TTC23: variants seen among roughly 807,000 people sequenced by gnomAD.
The protein encoded by TTC23 is tetratricopeptide repeat protein 23.
TTC23 carries 58 observed loss-of-function variants against 55.1 expected under a neutral mutation model. That is an observed-to-expected ratio of 1.05 (90% CI 0.85 to 1.31). The LOEUF is 1.31. Among genes scored for constraint, TTC23 ranks in the 50% most tolerant of loss-of-function variants. TTC23 has a pLI of 0.00. For synonymous variants in TTC23, 203 were observed against 199.9 expected, an observed-to-expected ratio of 1.02 and a Z score of -0.13; for missense variants, 516 against 534.4, an observed-to-expected ratio of 0.97 and a Z score of 0.34.
rs2151818221 is a variant in TTC23, at chr15:99,137,861, T to C, written c.*149A>G. The C allele has an allele frequency of 7.8e-7, 1 of 1,286,392 alleles. No homozygotes were observed. Among genetic ancestry groups the C allele is most frequent in the Admixed American group, 2.4e-5 (1 of 42,502 alleles). The allele number at this position is 1,286,392 out of a possible 1,614,324, so 79.7% of individuals were successfully genotyped here. On this transcript the variant is annotated 3_prime_UTR_variant, in exon 14 of 14. Coordinates refer to ENST00000394132, the MANE Select transcript of TTC23 (RefSeq NM_001288615.3). ...CAAAATGTGGCCCACGGGAGGCTTA[T>C]GGTCTCACTGTTGCATGTTGGGGCC...
At chr15:99,214,824 A>G (rs1413859974) in intron 8 of TTC23, among the ~76,000 whole-genome samples, 2 of 150,344 alleles carry the variant, frequency 1.3e-5, no homozygotes, top group African/African-American at 4.9e-5. Context: ...TTTTTTGGGA[A>G]AAGTTTCCTG....
chr15:99,168,772 C>T (rs2072507837), intron 10 of TTC23, among the ~76,000 whole-genome samples: 1 of 152,174 alleles, frequency 6.6e-6, no homozygotes, highest in Admixed American at 6.5e-5. Context: ...GCCTCCTCTC[C>T]TCCTCCTCCA....
chr15:99,203,411 T>C (rs2076353903), intron 8 of TTC23, among the ~76,000 whole-genome samples: 2 of 152,118 alleles, frequency 1.3e-5, no homozygotes, highest in African/African-American at 4.8e-5. Context: ...ACAAAGTTAA[T>C]GATCGAATCA....
chr15:99,241,913 T>C (rs1028572694), intron 2 of TTC23, among the ~76,000 whole-genome samples: 4 of 152,150 alleles, frequency 2.6e-5, no homozygotes, highest in African/African-American at 7.2e-5. Context: ...GATGGGTTGA[T>C]GGCTTGAGCC....
At chr15:99,199,453 T>C (rs1231325775) in intron 9 of TTC23, among the ~76,000 whole-genome samples, 1 of 138,112 alleles carries the variant, frequency 7.2e-6, no homozygotes, top group East Asian at 2.0e-4. Context: ...CCAAAGTGTG[T>C]GTGTTTGTGT....
chr15:99,162,244 A>G (rs1364193404), intron 10 of TTC23, among the ~76,000 whole-genome samples: 1 of 152,172 alleles, frequency 6.6e-6, no homozygotes, highest in African/African-American at 2.4e-5. Flanking sequence ...TAGGACTCTG[A>G]AAGTTCACTT....
intron 12 of TTC23, among the ~76,000 whole-genome samples, chr15:99,152,524 T>A (rs12594336): frequency 6.6e-6 from 1 of 151,728 alleles, no homozygotes; most frequent in South Asian, 2.1e-4. Context: ...ATTACAGGTA[T>A]GCGCCAGCAG....
At chr15:99,240,999 C>T (rs55909409) in intron 3 of TTC23, among the ~76,000 whole-genome samples, 68,618 of 151,906 alleles carry the variant, frequency 0.45, 15,553 homozygotes, top group Middle Eastern at 0.6. Context: ...TGTGGCATCA[C>T]ACAGTAACAT....
At chr15:99,202,422 A>C (rs899782190) in intron 8 of TTC23, among the ~76,000 whole-genome samples, 5 of 152,198 alleles carry the variant, frequency 3.3e-5, no homozygotes, top group African/African-American at 1.2e-4. Flanking sequence ...CACCAAGATA[A>C]TTTCATCTGG....
At chr15:99,187,183 T>A (rs928369037) in intron 9 of TTC23, among the ~76,000 whole-genome samples, 2 of 151,900 alleles carry the variant, frequency 1.3e-5, no homozygotes, top group African/African-American at 4.8e-5. Flanking sequence ...TATTTTGACA[T>A]GGGTCCCAAA....
intron 9 of TTC23, among the ~76,000 whole-genome samples, chr15:99,196,561 A>G (rs1225765526): frequency 6.6e-6 from 1 of 152,082 alleles, no homozygotes; most frequent in Non-Finnish European, 1.5e-5. Flanking sequence ...GTAAAGCTGG[A>G]CTCTTCCTGG....
chr15:99,148,360 CAAAAAAAA>C (rs57733522), intron 12 of TTC23, among the ~76,000 whole-genome samples: 17 of 30,420 alleles, frequency 5.6e-4, no homozygotes, highest in East Asian at 4.4e-3. Flanking sequence ...GACTCTGTAC[CAAAAAAAA>C]AAAAAAAAAA....
At chr15:99,207,863 G>C (rs1325165603) in intron 8 of TTC23, among the ~76,000 whole-genome samples, 1 of 152,186 alleles carries the variant, frequency 6.6e-6, no homozygotes, top group African/African-American at 2.4e-5. Flanking sequence ...TACACACCCT[G>C]CTGGTGGACA....
At position 99,228,691 on chromosome 15, in the gene TTC23, G is replaced by A. The variant is rs1355290815; in HGVS notation, c.22C>T (p.His8Tyr). 10 of 1,603,932 alleles carry A rather than the reference G, an allele frequency of 6.2e-6. No homozygotes were observed. Among genetic ancestry groups the A allele is most frequent in the Non-Finnish European group, 8.5e-6 (10 of 1,174,976 alleles). MQESQET[H>Y]ISNHLDEVVA... ...ACTTCATCTAGGTGGTTGGATATGT[G>A]GGTTTCCTGTGATTCTTGCATATTT... Residue 8 changes from histidine to tyrosine, a missense_variant, in exon 5 of 14, where the codon CAC (histidine) becomes TAC (tyrosine). Transcript: ENST00000394132.
At chr15:99,157,173 A>T (rs2070711708) in intron 11 of TTC23, 1 of 141,712 alleles carries the variant, frequency 7.1e-6, no homozygotes, top group African/African-American at 2.7e-5. Context: ...CCGTCTCAGC[A>T]GATCTTCCAT....
chr15:99,187,869 T>C (rs983444073), intron 9 of TTC23, among the ~76,000 whole-genome samples: 3 of 152,028 alleles, frequency 2.0e-5, no homozygotes, highest in Admixed American at 1.3e-4. Context: ...GTGGAGATAT[T>C]GGAACTTTCA....
chr15:99,228,543 T>A lies in TTC23; in HGVS notation c.170A>T (p.Asn57Ile). 1 of 1,610,236 alleles carries A rather than the reference T, an allele frequency of 6.2e-7. No homozygotes were observed. The highest frequency in any genetic ancestry group is 8.5e-7 in the Non-Finnish European group (1 of 1,177,912). ...LCEEKAKSYS[N>I]SHEYKQAVHE... Reference sequence around the variant, plus strand: ...CAAAAGTCTCCTTACCTCATGACTGTTGGAATAGGACTTTGCTTTCTCTTC... The same window carrying A: ...CAAAAGTCTCCTTACCTCATGACTGATGGAATAGGACTTTGCTTTCTCTTC... The change falls in exon 5 of 14, where the codon AAC becomes ATC. Residue 57 changes from asparagine to isoleucine, a missense_variant. Coordinates refer to ENST00000394132, the MANE Select transcript of TTC23 (RefSeq NM_001288615.3).
intron 6 of TTC23, among the ~76,000 whole-genome samples, chr15:99,220,663 C>T (rs1157063892): frequency 5.9e-5 from 9 of 152,280 alleles, no homozygotes; most frequent in East Asian, 5.8e-4. Flanking sequence ...ATAATGAATA[C>T]GCTTGGTATA....
intron 10 of TTC23, among the ~76,000 whole-genome samples, chr15:99,172,423 C>T (rs1434387832): frequency 6.6e-6 from 1 of 152,202 alleles, no homozygotes; most frequent in East Asian, 1.9e-4. Context: ...ACTCCAAACC[C>T]TTTTCTCTGG....
Sources: allele counts gnomAD v4.1 joint callset (sites outside exome capture counted in the v4.1 genomes callset), GRCh38; gene constraint gnomAD v4.1.1; transcripts MANE v1.5; gene names NCBI Gene and HGNC (gene_info 2026-07-23, HGNC 2026-07-21).